NFE2L3: variants seen among roughly 807,000 people sequenced by gnomAD.
NFE2L3 encodes the protein nuclear factor erythroid 2-related factor 3.
Under a neutral mutation model 23.5 loss-of-function variants are expected in NFE2L3, and 18 were observed. That is an observed-to-expected ratio of 0.77 (90% confidence interval 0.53 to 1.13). The LOEUF is 1.13. NFE2L3 is among the 50% of genes most tolerant of loss of function. The pLI is 0.00. For missense variants in NFE2L3, 1,152 were observed against 877.2 expected (o/e 1.31, Z -3.96); for synonymous variants, 424 against 354.5 (o/e 1.20, Z -2.20).
At position 26,184,609 on chromosome 7, in the gene NFE2L3, A is replaced by G; in HGVS notation, c.911A>G (p.Asn304Ser). 1 of 1,613,902 alleles carries G rather than the reference A, an allele frequency of 6.2e-7. No homozygotes were observed. Among genetic ancestry groups the G allele is most frequent in the South Asian group, 1.1e-5 (1 of 91,078 alleles). Residue 304 changes from asparagine (N) to serine (S), a missense_variant, in exon 4 of 4, where the codon AAC becomes AGC. Coordinates refer to ENST00000056233, the MANE Select transcript of NFE2L3 (RefSeq NM_004289.7). ...GMNSSAHYHV[N>S]FSQAISQDVN... is the part of the protein sequence containing the mutation. ...AATTCTTCAGCACATTATCATGTAA[A>G]CTTCAGCCAGGCTATAAGTCAGGAT...
In NFE2L3 at chr7:26,185,047, G is replaced by A. The variant is rs566523782; in HGVS notation, c.1349G>A (p.Cys450Tyr). 2.7e-5 allele frequency: 44 copies of A among 1,613,824 alleles called. No individual in the cohort carries two copies. In the African/African-American group the frequency reaches 5.5e-4, roughly 20 times the overall value. The change falls in exon 4 of 4, where the codon TGC becomes TAC. Residue 450 changes from cysteine to tyrosine, a missense_variant. By Grantham distance (194) the Cys-to-Tyr change is radical (BLOSUM62 -2). Transcript: ENST00000056233. ...SVCDEGAIGY[C>Y]TDHESSSHHD... ...TGTGATGAAGGTGCTATAGGTTATT[G>A]CACTGACCATGAATCTAGTTCCCAT...
Position 26,185,252 on chromosome 7 carries a change from G to A in NFE2L3, c.1554G>A (p.Gly518=), listed in dbSNP as rs373484767. ...CTTCTGAACCTTTTCCGTGGCCTGG[G>A]AAGTCACAGAAGATAAGGAGTAGAT... ...ESTSEPFPWP[G]KSQKIRSRYL... Residue 518 remains glycine (G), a synonymous_variant, in exon 4 of 4, where the codon GGG becomes GGA. Coordinates refer to ENST00000056233, the MANE Select transcript of NFE2L3 (RefSeq NM_004289.7). 1 of 1,614,004 alleles carries A rather than the reference G, an allele frequency of 6.2e-7. No individual in the cohort carries two copies. The highest frequency in any genetic ancestry group is 1.3e-5 in the African/African-American group (1 of 75,026).
chr7:26,182,743 G>GCATCGATAAA (rs1317948035), intron 2 of NFE2L3, among the ~76,000 whole-genome samples: 1 of 151,824 alleles, frequency 6.6e-6, no homozygotes, highest in Non-Finnish European at 1.5e-5. Flanking sequence ...GTGAGATGAA[G>GCATCGATAAA]CATCGATAAA....
In NFE2L3 at chr7:26,152,437, C is replaced by G. The variant is rs1386120259; in HGVS notation, c.-62C>G. 1.7e-6 allele frequency: 2 copies of G among 1,173,064 alleles called. No individual in the cohort carries two copies. The highest frequency in any genetic ancestry group is 1.6e-5 in the African/African-American group (1 of 62,264). 72.7% of individuals were successfully genotyped at this position (1,173,064 alleles called of 1,614,324 possible). A position where few individuals can be genotyped will look rare whatever the true frequency, so the allele number is the denominator to read the frequency against. On this transcript the variant is annotated 5_prime_UTR_variant, in exon 1 of 4. Coordinates refer to ENST00000056233, the MANE Select transcript of NFE2L3 (RefSeq NM_004289.7). The surrounding 1 kb of genome is among the most constrained non-coding windows in gnomAD (Gnocchi z 4.4). ...CGCGCGGGGTCCGCACGTGTCACCC[C>G]GGCGGCTGGGGCGCCGGGACCCGCG...
Position 26,185,270 on chromosome 7 carries a change from G to T in NFE2L3, c.1572G>T (p.Arg524Ser), listed in dbSNP as rs138591487. ...FPWPGKSQKI[R>S]SRYLEDTDRN... ...GGCCTGGGAAGTCACAGAAGATAAGGAGTAGATACCTTGAAGACACAGATA... is the reference window on the plus strand; with the variant it reads ...GGCCTGGGAAGTCACAGAAGATAAGTAGTAGATACCTTGAAGACACAGATA... The change falls in exon 4 of 4, where the codon AGG becomes AGT. Residue 524 changes from arginine (R) to serine (S), a missense_variant. Coordinates refer to ENST00000056233, the MANE Select transcript of NFE2L3 (RefSeq NM_004289.7). 5 of 1,614,034 alleles carry T rather than the reference G, an allele frequency of 3.1e-6. No individual in the cohort carries two copies. Among genetic ancestry groups the T allele is most frequent in the Non-Finnish European group, 4.2e-6 (5 of 1,179,986 alleles).
intron 1 of NFE2L3, among the ~76,000 whole-genome samples, chr7:26,162,232 A>G (rs1441846806): frequency 5.3e-5 from 8 of 151,222 alleles, no homozygotes; most frequent in South Asian, 2.1e-4. Flanking sequence ...GAAAAGTTCT[A>G]TATCGTGGTT....
chr7:26,180,682 C>T (rs772620174), intron 2 of NFE2L3, among the ~76,000 whole-genome samples: 1 of 152,166 alleles, frequency 6.6e-6, no homozygotes, highest in Non-Finnish European at 1.5e-5. Context: ...CACTGGGCTT[C>T]CCAGAAAAGC....
chr7:26,182,803 AAAAATATTTTTTGAGACGAG>A (rs1782352359), intron 2 of NFE2L3, among the ~76,000 whole-genome samples: 1 of 152,166 alleles, frequency 6.6e-6, no homozygotes, highest in Admixed American at 6.6e-5. Context: ...TATTGACTGT[AAAAATATTTTTTGAGACGAG>A]ATCTCATTCT....
At chr7:26,171,073 G>C (rs1235660166) in intron 1 of NFE2L3, among the ~76,000 whole-genome samples, 1 of 152,108 alleles carries the variant, frequency 6.6e-6, no homozygotes, top group Non-Finnish European at 1.5e-5. Context: ...AATTATAATT[G>C]GCACAAACTT....
chr7:26,178,058 A>G lies in NFE2L3; in HGVS notation c.686A>G (p.Asp229Gly). Residue 229 changes from aspartate to glycine, a missense_variant, in exon 2 of 4, where the codon GAT becomes GGT. By Grantham distance (94) the Asp-to-Gly change is moderately conservative. Transcript: ENST00000056233. ...AACTCACTTCAGCAGAATGATGATG[A>G]TGAAAACAAAATAGCAGAGAAACCT... ...KENSLQQNDD[D>G]ENKIAEKPDW... The G allele has an allele frequency of 2.5e-6, 4 of 1,614,182 alleles. No homozygotes were observed. Among genetic ancestry groups the G allele is most frequent in the Non-Finnish European group, 3.4e-6 (4 of 1,180,018 alleles).
At chr7:26,166,054 T>G (rs1784246608) in intron 1 of NFE2L3, among the ~76,000 whole-genome samples, 1 of 152,130 alleles carries the variant, frequency 6.6e-6, no homozygotes, top group Non-Finnish European at 1.5e-5. Context: ...AGACAGGTGC[T>G]TTACTGGATT....
At chr7:26,166,786 C>T (rs1222337841) in intron 1 of NFE2L3, among the ~76,000 whole-genome samples, 1 of 152,222 alleles carries the variant, frequency 6.6e-6, no homozygotes, top group African/African-American at 2.4e-5. Context: ...TTGCCTTCAG[C>T]CTAGAGACAG....
chr7:26,183,674 A>G lies in NFE2L3; in HGVS notation c.751-27A>G, dbSNP rs12113404. ...CAACCAGTTCAGTCTTTTATGTGAA[A>G]GATGCACTTTTTGTGTTTCTCTACA... On this transcript the variant is annotated intron_variant, in intron 2 of 3. Transcript: ENST00000056233. 0.14 allele frequency: 206,852 copies of G among 1,428,232 alleles called. 24,882 individuals are homozygous for G. Among genetic ancestry groups the G allele is most frequent in the East Asian group, 0.52 (22,881 of 43,860 alleles). 88.5% of individuals were successfully genotyped at this position (1,428,232 alleles called of 1,614,324 possible).
chr7:26,178,515 C>T (rs185372823), intron 2 of NFE2L3, among the ~76,000 whole-genome samples: 9 of 152,306 alleles, frequency 5.9e-5, no homozygotes, highest in African/African-American at 1.7e-4. Flanking sequence ...ACCCTACAGC[C>T]AATCACCCAT....
At position 26,185,999 on chromosome 7, in the gene NFE2L3, A is replaced by G. The variant is rs1782476303; in HGVS notation, c.*216A>G. The G allele has an allele frequency of 2.2e-6, 1 of 450,386 alleles. No individual in the cohort carries two copies. The allele number at this position is 450,386 out of a possible 1,614,324, so 27.9% of individuals were successfully genotyped here. On this transcript the variant is annotated 3_prime_UTR_variant, in exon 4 of 4. Transcript: ENST00000056233. ...CTGGGGGAGCCACAACTTTTCATGA[A>G]GTGCATTGTATACAAAATTCATAGT... is the stretch of plus-strand genomic sequence containing the variant.
intron 2 of NFE2L3, among the ~76,000 whole-genome samples, chr7:26,182,026 G>A (rs1784523094): frequency 6.6e-6 from 1 of 151,808 alleles, no homozygotes. Context: ...TATAAAATAT[G>A]AAAGATAAGC....
intron 1 of NFE2L3, among the ~76,000 whole-genome samples, chr7:26,176,254 ACTT>A (rs1175328007): frequency 1.3e-5 from 2 of 152,124 alleles, no homozygotes; most frequent in African/African-American, 4.8e-5. Flanking sequence ...TCCTGTGTCT[ACTT>A]CTTTCTACAC....
chr7:26,176,987 TCACA>T (rs1434782060), intron 1 of NFE2L3, among the ~76,000 whole-genome samples: 4 of 36,772 alleles, frequency 1.1e-4, no homozygotes, highest in East Asian at 5.8e-4. Context: ...GAGGCGCTCC[TCACA>T]TCCCAGACGG....
At chr7:26,184,393 T>C in intron 3 of NFE2L3, 140 bp from the exon 4 acceptor site, 7 of 723,596 alleles carry the variant, frequency 9.7e-6, no homozygotes, top group Non-Finnish European at 2.3e-6. Flanking sequence ...TGTATTTAAC[T>C]AGGAAGTTAC....
Sources: allele counts gnomAD v4.1 joint callset (sites outside exome capture counted in the v4.1 genomes callset), GRCh38; gene constraint gnomAD v4.1.1; non-coding constraint Gnocchi (gnomAD v3.1); transcripts MANE v1.5; gene names NCBI Gene and HGNC (gene_info 2026-07-23, HGNC 2026-07-21).